Variants in SATB1 observed in about 807,000 individuals in gnomAD.
SATB1 encodes the protein DNA-binding protein SATB1.
Under a neutral mutation model 86.9 loss-of-function variants are expected in SATB1, and 11 were observed. That is an observed-to-expected ratio of 0.13 (90% CI 0.08 to 0.21). The LOEUF is 0.21. Among genes scored for constraint, SATB1 ranks in the 10% least tolerant of loss-of-function variants. The pLI is 1.00. For missense variants in SATB1, 551 were observed against 937.6 expected (o/e 0.59, Z 5.39); for synonymous variants, 357 against 357.2 (o/e 1.00, Z 0.01).
intron 8 of SATB1, among the ~76,000 whole-genome samples, chr3:18,383,316 C>A (rs1466624335): frequency 6.6e-6 from 1 of 152,126 alleles, no homozygotes; most frequent in African/African-American, 2.4e-5. Flanking sequence ...GAATTCAAGT[C>A]CTTCAATAGT....
rs530079796 is a variant in SATB1, at chr3:18,372,136, T to C, written c.1575+6034A>G. Among the ~76,000 whole-genome samples, 6 of 152,374 alleles carry C rather than the reference T, an allele frequency of 3.9e-5. No homozygotes were observed. In the South Asian group the frequency reaches 6.2e-4, roughly 16 times the overall value. On this transcript the variant is annotated intron_variant, in intron 9 of 10. Transcript: ENST00000338745. Reference sequence around the variant, plus strand: ...AGGTTCTATGAATACATAGTTGGCATAGCCGTGCTTCAGAACATATATGCT... The same window carrying C: ...AGGTTCTATGAATACATAGTTGGCACAGCCGTGCTTCAGAACATATATGCT...
chr3:18,432,285 C>T (rs996937267), intron 2 of SATB1, among the ~76,000 whole-genome samples: 6 of 152,156 alleles, frequency 3.9e-5, no homozygotes, highest in African/African-American at 1.2e-4. Context: ...ATTTTTAATT[C>T]CGGTGAAATC....
Position 18,378,174 on chromosome 3 carries a change from CT to C in SATB1, c.1570del (p.Ser524AlafsTer28). The C allele has an allele frequency of 1.3e-6, 2 of 1,573,008 alleles. No individual in the cohort carries two copies. The highest frequency in any genetic ancestry group is 1.2e-5 in the South Asian group (1 of 81,152). ...ALFAKVAATKSQGWLCELLRW... is the reference protein window; with the variant it reads ...ALFAKVAATKXQGWLCELLRW... ...ATGCCTAACAGAGGCTCTTACCTGGCTTTTGGTTGCTGCAACCTTTGCAAAC... is the reference window on the plus strand; with the variant it reads ...ATGCCTAACAGAGGCTCTTACCTGGCTTTGGTTGCTGCAACCTTTGCAAAC... On this transcript the variant is annotated frameshift_variant, in exon 9 of 11. Coordinates refer to ENST00000338745, the MANE Select transcript of SATB1 (RefSeq NM_002971.6). LOFTEE classifies it high-confidence loss of function.
intron 5 of SATB1, among the ~76,000 whole-genome samples, chr3:18,403,153 A>C (rs1650380643): frequency 6.6e-6 from 1 of 152,106 alleles, no homozygotes; most frequent in African/African-American, 2.4e-5. Flanking sequence ...TCTTTTAACA[A>C]AGTCTTCCTC....
chr3:18,366,023 C>A (rs1174441316), intron 9 of SATB1, among the ~76,000 whole-genome samples: 1 of 152,096 alleles, frequency 6.6e-6, no homozygotes, highest in Non-Finnish European at 1.5e-5. Context: ...CTTCCTTGAC[C>A]TTGTTGAAAG....
chr3:18,385,604 C>G lies in SATB1; in HGVS notation c.1419+795G>C, dbSNP rs1396222902. 7.6e-5 allele frequency among the ~76,000 whole-genome samples: 11 copies of G among 144,426 alleles called. No individual in the cohort carries two copies. The East Asian group carries it at 1.8e-3, about 24-fold the overall frequency. 94.7% of individuals were successfully genotyped at this position (144,426 alleles called of 152,430 possible). ...TGCCACTGCACTCCAGCCTGGGTGA[C>G]AGAGCGGCACTCCATCTCAAAAGAA... On this transcript the variant is annotated intron_variant, in intron 8 of 10. Transcript: ENST00000338745.
upstream of SATB1, among the ~76,000 whole-genome samples, chr3:18,443,644 A>C (rs1443402677): frequency 6.6e-6 from 1 of 151,718 alleles, no homozygotes; most frequent in Non-Finnish European, 1.5e-5. This position sits in a 1 kb window ranked among gnomAD's most constrained non-coding sequence, Gnocchi z 4.4. Flanking sequence ...AGCACGTGGC[A>C]CTCCCCGGAC....
At chr3:18,382,854 A>T (rs1696133481) in intron 8 of SATB1, among the ~76,000 whole-genome samples, 2 of 152,176 alleles carry the variant, frequency 1.3e-5, no homozygotes, top group Non-Finnish European at 2.9e-5. Flanking sequence ...GTTTGCTTTT[A>T]TTCTGAGGAG....
intron 2 of SATB1, among the ~76,000 whole-genome samples, chr3:18,418,812 AATT>A (rs1698243414): frequency 6.6e-6 from 1 of 152,230 alleles, no homozygotes; most frequent in African/African-American, 2.4e-5. Flanking sequence ...AGACTTTAGT[AATT>A]TTGTTATTTG....
At chr3:18,368,911 A>G (rs1248267448) in intron 9 of SATB1, among the ~76,000 whole-genome samples, 1 of 152,058 alleles carries the variant, frequency 6.6e-6, no homozygotes, top group East Asian at 1.9e-4. Context: ...TATGGATCCA[A>G]TTATTTATAG....
intron 3 of SATB1, 122 bp from the exon 4 acceptor site, chr3:18,416,255 A>G (rs1698107927): frequency 1.5e-6 from 1 of 659,512 alleles, no homozygotes; most frequent in Non-Finnish European, 2.3e-6. Flanking sequence ...TTCTGTTTGA[A>G]TGATTCCCTT....
At chr3:18,390,047 T>C (rs1327164882) in intron 7 of SATB1, among the ~76,000 whole-genome samples, 1 of 152,126 alleles carries the variant, frequency 6.6e-6, no homozygotes, top group Non-Finnish European at 1.5e-5. Flanking sequence ...AAAAACAGTT[T>C]ACAAGTTATT....
Position 18,411,822 on chromosome 3 carries a change from T to C in SATB1, c.639+3289A>G, listed in dbSNP as rs572073976. The stretch of plus-strand genomic sequence containing the variant: ...GTACAAAGAATTTAATAAATTAGTG[T>C]CAATCGATTTGGGCAGATTTATGAT... On this transcript the variant is annotated intron_variant, in intron 5 of 10. Coordinates refer to ENST00000338745, the MANE Select transcript of SATB1 (RefSeq NM_002971.6). 3.3e-5 allele frequency among the ~76,000 whole-genome samples: 5 copies of C among 152,200 alleles called. No homozygotes were observed. The South Asian group carries it at 1.0e-3, about 32-fold the overall frequency.
At chr3:18,425,735 G>A (rs1188120644), upstream of SATB1, among the ~76,000 whole-genome samples, 1 of 151,546 alleles carries the variant, frequency 6.6e-6, no homozygotes, top group East Asian at 2.0e-4. Flanking sequence ...GAGGAGGAGA[G>A]GGGGCTTCCC....
chr3:18,365,997 TTATTTAC>T (rs1184428531), intron 9 of SATB1, among the ~76,000 whole-genome samples: 1 of 152,198 alleles, frequency 6.6e-6, no homozygotes, highest in African/African-American at 2.4e-5. Flanking sequence ...AATGTATATT[TTATTTAC>T]AACCTTCACT....
In SATB1 at chr3:18,400,838, A is replaced by G. The variant is rs1697226041; in HGVS notation, c.640-3548T>C. ...GAGTCTTTTTAATGTAGAATGAAGT[A>G]TACTGATTAAATTATTAAGTTACAA... On this transcript the variant is annotated intron_variant, in intron 5 of 10. Coordinates refer to ENST00000338745, the MANE Select transcript of SATB1 (RefSeq NM_002971.6). Among the ~76,000 whole-genome samples the G allele has an allele frequency of 2.0e-5, 3 of 152,222 alleles. No homozygotes were observed. The South Asian group carries it at 6.2e-4, about 31-fold the overall frequency.
Position 18,386,318 on chromosome 3 carries a change from T to G in SATB1, c.1419+81A>C. 1 of 1,056,202 alleles carries G rather than the reference T, an allele frequency of 9.5e-7. No homozygotes were observed. Among genetic ancestry groups the G allele is most frequent in the Non-Finnish European group, 1.4e-6 (1 of 702,284 alleles). 65.4% of individuals were successfully genotyped at this position (1,056,202 alleles called of 1,614,324 possible). A position where few individuals can be genotyped will look rare whatever the true frequency, so the allele number is the denominator to read the frequency against. The stretch of plus-strand genomic sequence containing the variant: ...ACATATAAATCTATGTATCTATCTA[T>G]CTAATTTCTTATTGAGATTCTTCCT... On this transcript the variant is annotated intron_variant, in intron 8 of 10. Transcript: ENST00000338745. This position sits in a 1 kb window ranked among gnomAD's most constrained non-coding sequence, Gnocchi z 4.5.
chr3:18,397,188 C>T lies in SATB1; in HGVS notation c.742G>A (p.Asp248Asn), dbSNP rs1218318462. The T allele has an allele frequency of 1.3e-6, 2 of 1,589,682 alleles. No homozygotes were observed. Among genetic ancestry groups the T allele is most frequent in the Non-Finnish European group, 1.7e-6 (2 of 1,158,090 alleles). Residue 248 changes from aspartate to asparagine, a missense_variant, in exon 6 of 11, where the codon GAT (aspartate) becomes AAT (asparagine). By Grantham distance (23) the Asp-to-Asn change is conservative. Coordinates refer to ENST00000338745, the MANE Select transcript of SATB1 (RefSeq NM_002971.6). ...RWYKHFKKTK[D>N]MMVEMDSLSE... The stretch of plus-strand genomic sequence containing the variant: ...TGTTTTTTTTGCTTACCCATCATAT[C>T]TTTTGTCTTCTTGAAATGTTTGTAC...
At chr3:18,376,332 A>G (rs1359021971) in intron 9 of SATB1, among the ~76,000 whole-genome samples, 1 of 152,126 alleles carries the variant, frequency 6.6e-6, no homozygotes, top group African/African-American at 2.4e-5. Context: ...ATGGTTATTA[A>G]TAAGTTATAA....
Sources: allele counts gnomAD v4.1 joint callset (sites outside exome capture counted in the v4.1 genomes callset), GRCh38; gene constraint gnomAD v4.1.1; non-coding constraint Gnocchi (gnomAD v3.1); transcripts MANE v1.5; gene names NCBI Gene and HGNC (gene_info 2026-07-23, HGNC 2026-07-21).